Variants in SRCIN1 observed in about 807,000 individuals in gnomAD.
The protein encoded by SRCIN1 is SRC kinase signaling inhibitor 1.
SRCIN1 carries 50 observed loss-of-function variants against 116.2 expected under a neutral mutation model. That is an observed-to-expected ratio of 0.43 (90% CI 0.34 to 0.54). SRCIN1 has a LOEUF of 0.54. SRCIN1 is among the 20% of genes least tolerant of loss of function. The pLI, the probability that SRCIN1 is intolerant of heterozygous loss-of-function variation, is 0.02. For synonymous variants in SRCIN1, 736 were observed against 750.0 expected, an observed-to-expected ratio of 0.98 and a Z score of 0.30; for missense variants, 1,446 against 1,672.0, an observed-to-expected ratio of 0.86 and a Z score of 2.36.
At position 38,562,221 on chromosome 17, in the gene SRCIN1, C is replaced by G. The variant is rs1443847132; in HGVS notation, c.942G>C (p.Ser314=). 6.9e-7 allele frequency: 1 copy of G among 1,441,574 alleles called. No individual in the cohort carries two copies. Among genetic ancestry groups the G allele is most frequent in the Non-Finnish European group, 9.0e-7 (1 of 1,107,044 alleles). The allele number at this position is 1,441,574 out of a possible 1,614,324, so 89.3% of individuals were successfully genotyped here. A position where few individuals can be genotyped will look rare whatever the true frequency, so the allele number is the denominator to read the frequency against. ...CGGACTGCAGCCCGGACGGCAGCCC[C>G]GACGGCAGCCCGGGCGGCGGCGAGC... ...ASGSPPPGLP[S]GLPSGLQSGS... is the part of the protein sequence containing the mutation. Residue 314 remains serine, a synonymous_variant, in exon 7 of 19, where the codon TCG becomes TCC. Coordinates refer to ENST00000617146, the MANE Select transcript of SRCIN1 (RefSeq NM_025248.3). The surrounding 1 kb of genome is among the most constrained non-coding windows in gnomAD (Gnocchi z 4.2).
rs574419109 is a variant in SRCIN1 at position 38,550,770 on chromosome 17, G to A, written c.2962+385C>T. 1.3e-3 allele frequency among the ~76,000 whole-genome samples: 191 copies of A among 152,338 alleles called. 1 individual carries two copies. Among genetic ancestry groups the A allele is most frequent in the African/African-American group, 4.2e-3 (176 of 41,582 alleles). On this transcript the variant is annotated intron_variant, in intron 15 of 18. Transcript: ENST00000617146. ...TCTGGTCTGGATTTCTGCCACTCCC[G>A]GGACCGTGACTCAGGCTGGGGACCA...
intron 17 of SRCIN1, among the ~76,000 whole-genome samples, chr17:38,547,415 C>A (rs898534819): frequency 6.6e-6 from 1 of 152,192 alleles, no homozygotes; most frequent in Non-Finnish European, 1.5e-5. Flanking sequence ...TGGCCACACT[C>A]AGCCTTCGGG....
intron 18 of SRCIN1, among the ~76,000 whole-genome samples, chr17:38,540,462 G>A (rs1163950622): frequency 7.1e-6 from 1 of 141,562 alleles, no homozygotes; most frequent in Admixed American, 7.9e-5. Context: ...GCTCTCTCCT[G>A]TACCTGGCAT....
chr17:38,584,419 A>C (rs940170231), intron 1 of SRCIN1, among the ~76,000 whole-genome samples: 1 of 152,214 alleles, frequency 6.6e-6, no homozygotes, highest in African/African-American at 2.4e-5. Flanking sequence ...AATGAGGGGA[A>C]GGGCAGGGTG....
At position 38,568,086 on chromosome 17, in the gene SRCIN1, C is replaced by A; in HGVS notation, c.345+125G>T. ...CACAGCCTGCAGCCCCGAGGCCCAC[C>A]GCCCATACCAGAAGGTGTCCGTGCA... On this transcript the variant is annotated intron_variant, in intron 3 of 18. Coordinates refer to ENST00000617146, the MANE Select transcript of SRCIN1 (RefSeq NM_025248.3). This position sits in a 1 kb window ranked among gnomAD's most constrained non-coding sequence, Gnocchi z 4.5. 8.3e-7 allele frequency: 1 copy of A among 1,206,128 alleles called. No individual in the cohort carries two copies. The highest frequency in any genetic ancestry group is 2.0e-5 in the Admixed American group (1 of 50,844). The allele number at this position is 1,206,128 out of a possible 1,614,324, so 74.7% of individuals were successfully genotyped here. A position where few individuals can be genotyped will look rare whatever the true frequency, so the allele number is the denominator to read the frequency against.
chr17:38,577,172 C>T (rs145494547), intron 2 of SRCIN1, among the ~76,000 whole-genome samples: 49 of 152,326 alleles, frequency 3.2e-4, no homozygotes, highest in Middle Eastern at 6.8e-3. Context: ...AAGCCTTCCC[C>T]GATCAGGCCT....
In SRCIN1 at chr17:38,558,319, C is replaced by T. The variant is rs1158052072; in HGVS notation, c.2109G>A (p.Arg703=). Residue 703 remains arginine, a synonymous_variant, in exon 11 of 19, where the codon CGG becomes CGA. Transcript: ENST00000617146. The surrounding 1 kb of genome is among the most constrained non-coding windows in gnomAD (Gnocchi z 4.6). ...GCTGCCGCTGCAGCGGGTCCTCCTG[C>T]CGCCGCGCCGCCTCCGACACGCGCA... ...LSMRVSEAAR[R]QEDPLQRQRT... 2.5e-6 allele frequency: 4 copies of T among 1,610,642 alleles called. No homozygotes were observed. In the East Asian group the frequency reaches 8.9e-5, roughly 36 times the overall value.
In SRCIN1 at chr17:38,572,059, G is replaced by A. The variant is rs1232104849; in HGVS notation, c.325-3828C>T. 6.6e-6 allele frequency among the ~76,000 whole-genome samples: 1 copy of A among 152,012 alleles called. No homozygotes were observed. Among genetic ancestry groups the A allele is most frequent in the Non-Finnish European group, 1.5e-5 (1 of 67,994 alleles). On this transcript the variant is annotated intron_variant, in intron 2 of 18. Transcript: ENST00000617146. This position sits in a 1 kb window ranked among gnomAD's most constrained non-coding sequence, Gnocchi z 4.3. ...CTCCCCTGGGCAGGCATCCCCAGCA[G>A]GTTCAGTGAGCAAATGACCCCTCCT... is the stretch of plus-strand genomic sequence containing the variant.
At position 38,602,918 on chromosome 17, in the gene SRCIN1, C is replaced by G. The variant is rs187720101; in HGVS notation, c.22+2766G>C. Among the ~76,000 whole-genome samples the G allele has an allele frequency of 6.6e-6, 1 of 152,298 alleles. No homozygotes were observed. The highest frequency in any genetic ancestry group is 2.4e-5 in the African/African-American group (1 of 41,568). ...TCAAATCCTCAACACTGTCTCCCTTCTTTCCCCAAAACCTAACCTGGGGTG... is the reference window on the plus strand; with the variant it reads ...TCAAATCCTCAACACTGTCTCCCTTGTTTCCCCAAAACCTAACCTGGGGTG... On this transcript the variant is annotated intron_variant, in intron 1 of 18. Transcript: ENST00000617146. This position sits in a 1 kb window ranked among gnomAD's most constrained non-coding sequence, Gnocchi z 4.2.
At position 38,552,301 on chromosome 17, in the gene SRCIN1, C is replaced by T; in HGVS notation, c.2480+146G>A. 1 of 1,397,600 alleles carries T rather than the reference C, an allele frequency of 7.2e-7. No individual in the cohort carries two copies. The highest frequency in any genetic ancestry group is 9.6e-7 in the Non-Finnish European group (1 of 1,046,616). 86.6% of individuals were successfully genotyped at this position (1,397,600 alleles called of 1,614,324 possible). ...AAGAGGAAGCCAGGTCTACAGCATG[C>T]AGGGGTCACAGGGCAGAGCTGAGGT... On this transcript the variant is annotated intron_variant, in intron 13 of 18. Transcript: ENST00000617146. This position sits in a 1 kb window ranked among gnomAD's most constrained non-coding sequence, Gnocchi z 5.3.
chr17:38,551,674 A>T, intron 14 of SRCIN1: 1 of 749,008 alleles, frequency 1.3e-6, no homozygotes, highest in Non-Finnish European at 2.1e-6. Flanking sequence ...CAAACATCAT[A>T]CTGCTTTGAT....
chr17:38,578,506 T>A lies in SRCIN1; in HGVS notation c.308A>T (p.Asp103Val). 6.3e-7 allele frequency: 1 copy of A among 1,592,006 alleles called. No homozygotes were observed. Among genetic ancestry groups the A allele is most frequent in the East Asian group, 2.3e-5 (1 of 44,126 alleles). The change falls in exon 2 of 19, where the codon GAC (aspartate) becomes GTC (valine). Residue 103 changes from aspartate to valine, a missense_variant. Physicochemically the swap from Asp to Val is radical, Grantham distance 152 (BLOSUM62 -3). Transcript: ENST00000617146. ...CCCACTCACCTGCTCTCGCATCCTG[T>A]CCTGCTGGCCTCGCAGGGCCAGGGC... Reference protein sequence around the residue: ...QHALALRGQQDRMREQPNYWS... With the variant: ...QHALALRGQQVRMREQPNYWS...
chr17:38,574,349 G>T (rs1286669102), intron 2 of SRCIN1, among the ~76,000 whole-genome samples: 1 of 152,194 alleles, frequency 6.6e-6, no homozygotes, highest in Non-Finnish European at 1.5e-5. Flanking sequence ...TGAGGAAGAG[G>T]GGAATAAGTT....
At chr17:38,601,636 ACGCACACACACACACACGCTCGCG>A (rs1477619582) in intron 1 of SRCIN1, among the ~76,000 whole-genome samples, 11 of 108,052 alleles carry the variant, frequency 1.0e-4, no homozygotes, top group Admixed American at 5.9e-4. Flanking sequence ...ATACACACAC[ACGCACACACACACACACGCTCGCG>A]CGCACACACA....
intron 1 of SRCIN1, among the ~76,000 whole-genome samples, chr17:38,600,143 C>T (rs1296781073): frequency 2.0e-5 from 3 of 152,226 alleles, no homozygotes; most frequent in Non-Finnish European, 4.4e-5. Flanking sequence ...ATCTCTCTTG[C>T]TGCATTTCCT....
At chr17:38,582,018 G>A (rs1437248911) in intron 1 of SRCIN1, among the ~76,000 whole-genome samples, 1 of 152,176 alleles carries the variant, frequency 6.6e-6, no homozygotes, top group African/African-American at 2.4e-5. Flanking sequence ...TGTGGATTCT[G>A]CCGTGGCCTT....
chr17:38,587,971 C>T (rs1908211607), intron 1 of SRCIN1, among the ~76,000 whole-genome samples: 1 of 151,998 alleles, frequency 6.6e-6, no homozygotes, highest in African/African-American at 2.4e-5. Flanking sequence ...TGTGACATTA[C>T]CAAAAACCAC....
intron 1 of SRCIN1, among the ~76,000 whole-genome samples, chr17:38,582,769 A>T (rs943148559): frequency 1.3e-5 from 2 of 152,118 alleles, no homozygotes; most frequent in Non-Finnish European, 2.9e-5. Context: ...AGGCTCGGGG[A>T]GAAGGGAACG....
Position 38,536,793 on chromosome 17 carries a change from T to C in SRCIN1, c.3418-3362A>G, listed in dbSNP as rs530623178. ...ACAAAATCTATGGCAATTGGAGAAA[T>C]TCCTTTCTCCTTGCCAGTGACTGAT... On this transcript the variant is annotated intron_variant, in intron 18 of 18. Transcript: ENST00000617146. 2.2e-4 allele frequency among the ~76,000 whole-genome samples: 33 copies of C among 152,308 alleles called. No homozygotes were observed. The East Asian group carries it at 6.0e-3, about 28-fold the overall frequency.
Sources: allele counts gnomAD v4.1 joint callset (sites outside exome capture counted in the v4.1 genomes callset), GRCh38; gene constraint gnomAD v4.1.1; non-coding constraint Gnocchi (gnomAD v3.1); transcripts MANE v1.5; gene names NCBI Gene and HGNC (gene_info 2026-07-23, HGNC 2026-07-21).